The following PCDHA4 variants were observed in gnomAD, a reference collection of about 807,000 sequenced individuals.
PCDHA4 encodes protocadherin alpha 4.
PCDHA4 carries 49 observed loss-of-function variants against 61.4 expected under a neutral mutation model. That is an observed-to-expected ratio of 0.80 (90% CI 0.63 to 1.01). The LOEUF (loss-of-function observed/expected upper bound fraction) is 1.01, where lower values mean the gene tolerates loss of function less well. Among genes scored for constraint, PCDHA4 ranks in the 50% least tolerant of loss-of-function variants. The pLI is 0.00. For missense variants in PCDHA4, 1,254 were observed against 1,235.8 expected (o/e 1.01, Z -0.22); for synonymous variants, 590 against 550.3 (o/e 1.07, Z -1.01).
At chr5:140,966,751 G>A (rs1554228608) in intron 1 of PCDHA4, 1 of 1,429,674 alleles carries the variant, frequency 7.0e-7, no homozygotes, top group Admixed American at 2.7e-5. Flanking sequence ...GGCTGCCTCC[G>A]CCGCGGCCAG....
chr5:140,835,907 G>C, intron 1 of PCDHA4: 1 of 1,612,200 alleles, frequency 6.2e-7, no homozygotes, highest in Non-Finnish European at 8.5e-7. Flanking sequence ...CGAGCTACGT[G>C]TCAGTGCACG....
Position 140,829,552 on chromosome 5 carries a change from C to T in PCDHA4, c.2385+19980C>T, listed in dbSNP as rs1302023406. ...CGCGAGACGCGGACGCGCAGGAGAA[C>T]GCGCTGGTGTCCTACTCGCTGGTGG... On this transcript the variant is annotated intron_variant, in intron 1 of 3. Transcript: ENST00000530339. The T allele has an allele frequency of 3.1e-6, 5 of 1,612,754 alleles. No individual in the cohort carries two copies. In the Admixed American group the frequency reaches 6.7e-5, roughly 22 times the overall value.
chr5:140,943,529 A>C (rs1291911076), intron 1 of PCDHA4, among the ~76,000 whole-genome samples: 1 of 152,220 alleles, frequency 6.6e-6, no homozygotes, highest in Non-Finnish European at 1.5e-5. Flanking sequence ...TCAGTATGCA[A>C]AATGTCATGT....
At chr5:141,003,160 C>T (rs1383713910) in intron 3 of PCDHA4, among the ~76,000 whole-genome samples, 3 of 152,200 alleles carry the variant, frequency 2.0e-5, no homozygotes. Context: ...CCTGATCAAT[C>T]CTAGTCCCTG....
Position 140,882,982 on chromosome 5 carries a change from C to T in PCDHA4, c.2385+73410C>T, listed in dbSNP as rs139888237. 2.9e-5 allele frequency: 47 copies of T among 1,614,148 alleles called. No individual in the cohort carries two copies. The East Asian group carries it at 3.6e-4, about 12-fold the overall frequency. On this transcript the variant is annotated intron_variant, in intron 1 of 3. Coordinates refer to ENST00000530339, the MANE Select transcript of PCDHA4 (RefSeq NM_018907.4). The stretch of plus-strand genomic sequence containing the variant: ...TCACGATTCTGGACGTGAATGACAA[C>T]GCCCCGGAATTTTACCAATCCGTTT...
chr5:140,843,949 T>C, intron 1 of PCDHA4: 1 of 564,496 alleles, frequency 1.8e-6, no homozygotes, highest in Non-Finnish European at 3.1e-6. Context: ...ATGATATCCA[T>C]TTTTTACTGA....
At chr5:140,989,101 A>G (rs1293454775) in intron 3 of PCDHA4, 1 of 152,216 alleles carries the variant, frequency 6.6e-6, no homozygotes, top group African/African-American at 2.4e-5. Flanking sequence ...AGGAGAAACA[A>G]CTTTTGAATA....
chr5:140,836,238 A>C (rs1774313279), intron 1 of PCDHA4: 1 of 1,613,700 alleles, frequency 6.2e-7, no homozygotes, highest in Admixed American at 1.7e-5. Context: ...GGCCGGTGCG[A>C]GCATCCCGTT....
At chr5:140,814,647 CCAA>C (rs1365863768) in intron 1 of PCDHA4, 1 of 151,984 alleles carries the variant, frequency 6.6e-6, no homozygotes, top group Non-Finnish European at 1.5e-5. Context: ...TTTGTTTACA[CCAA>C]CATCACCACA....
rs2150121761 is a variant in PCDHA4 at position 140,823,056 on chromosome 5, G to A, written c.2385+13484G>A. 3.0e-3 allele frequency: 4,897 copies of A among 1,614,054 alleles called. 120 individuals are homozygous for A. The African/African-American group carries it at 0.055, about 18-fold the overall frequency. On this transcript the variant is annotated intron_variant, in intron 1 of 3. Transcript: ENST00000530339. The stretch of plus-strand genomic sequence containing the variant: ...TCTATGAGCTGGTGGTGACCGCGCG[G>A]GACGGGGGCTCGCCTTCGCTGTGGG...
intron 1 of PCDHA4, among the ~76,000 whole-genome samples, chr5:140,908,047 C>T (rs976734426): frequency 4.6e-5 from 7 of 152,208 alleles, no homozygotes; most frequent in African/African-American, 1.7e-4. Context: ...AATTGCACAT[C>T]CGGCCATTTC....
intron 1 of PCDHA4, chr5:140,836,205 T>C (rs1774283455): frequency 1.2e-6 from 2 of 1,613,668 alleles, no homozygotes; most frequent in African/African-American, 2.7e-5. Flanking sequence ...CGCGTGGCTT[T>C]CGTATGAGTT....
At chr5:140,823,866 G>A (rs2150129869) in intron 1 of PCDHA4, 4 of 1,613,776 alleles carry the variant, frequency 2.5e-6, no homozygotes, top group African/African-American at 1.3e-5. Context: ...ATGTCAACGT[G>A]TACCTGATCA....
intron 1 of PCDHA4, chr5:140,967,197 AC>A: frequency 6.2e-7 from 1 of 1,613,542 alleles, no homozygotes; most frequent in Non-Finnish European, 8.5e-7. Context: ...ATCAACGACA[AC>A]TCACCGCGTT....
chr5:140,977,564 A>G (rs2096766034), intron 1 of PCDHA4, among the ~76,000 whole-genome samples: 1 of 152,178 alleles, frequency 6.6e-6, no homozygotes, highest in African/African-American at 2.4e-5. Flanking sequence ...TTGCTAGCAG[A>G]TTGGTAGAAT....
intron 1 of PCDHA4, chr5:140,825,453 A>G (rs1562282802): frequency 2.0e-5 from 3 of 148,792 alleles, no homozygotes; most frequent in Admixed American, 1.4e-4. Flanking sequence ...TATATATCAG[A>G]TATTTTGATA....
intron 1 of PCDHA4, among the ~76,000 whole-genome samples, chr5:140,972,225 G>A (rs959858462): frequency 3.3e-5 from 5 of 151,474 alleles, no homozygotes; most frequent in Admixed American, 2.0e-4. Context: ...CTGCAGCCTC[G>A]ACCTTCTGGG....
chr5:140,863,449 A>G (rs1166397854), intron 1 of PCDHA4: 4 of 570,946 alleles, frequency 7.0e-6, no homozygotes, highest in Admixed American at 4.2e-5. Flanking sequence ...TACTCGCAGC[A>G]AAGGAGATTT....
In PCDHA4 at chr5:141,010,329, G is replaced by C; in HGVS notation, c.*392G>C. On this transcript the variant is annotated 3_prime_UTR_variant, in exon 4 of 4. Coordinates refer to ENST00000530339, the MANE Select transcript of PCDHA4 (RefSeq NM_018907.4). ...AGTTTTGAGATTGAGCAGCTTGGGAGTTTGTGGCCACTGGGTATGTGTGGC... is the reference window on the plus strand; with the variant it reads ...AGTTTTGAGATTGAGCAGCTTGGGACTTTGTGGCCACTGGGTATGTGTGGC... 6.5e-7 allele frequency: 1 copy of C among 1,538,672 alleles called. No individual in the cohort carries two copies. Among genetic ancestry groups the C allele is most frequent in the Non-Finnish European group, 8.8e-7 (1 of 1,142,532 alleles).
Sources: gnomAD v4.1 joint callset for allele counts (sites outside exome capture counted in the v4.1 genomes callset) on GRCh38, gnomAD v4.1.1 for gene constraint, MANE v1.5 for transcripts, NCBI Gene and HGNC (gene_info 2026-07-23, HGNC 2026-07-21) for gene names.